ABHD17B: variants seen among roughly 807,000 people sequenced by gnomAD.
The protein encoded by ABHD17B is abhydrolase domain containing 17B, depalmitoylase.
A neutral mutation model predicts 26.2 loss-of-function variants in ABHD17B; 9 were observed. The observed-to-expected ratio is 0.34, with a 90% confidence interval of 0.21 to 0.60. The LOEUF is 0.60. ABHD17B is among the 20% of genes least tolerant of loss of function. The pLI is 0.80. For synonymous variants in ABHD17B, 127 were observed against 122.3 expected, an observed-to-expected ratio of 1.04 and a Z score of -0.25; for missense variants, 224 against 352.1, an observed-to-expected ratio of 0.64 and a Z score of 2.91.
At chr9:71,864,410 AG>A (rs1335185493), downstream of ABHD17B, among the ~76,000 whole-genome samples, 2 of 151,392 alleles carry the variant, frequency 1.3e-5, no homozygotes, top group East Asian at 1.9e-4. Flanking sequence ...TAGTAGAGAC[AG>A]GGTTTCACCG....
chr9:71,882,843 G>A (rs1564066216), intron 1 of ABHD17B, among the ~76,000 whole-genome samples: 1 of 151,864 alleles, frequency 6.6e-6, no homozygotes, highest in Non-Finnish European at 1.5e-5. Context: ...AAAATTCTGT[G>A]AATATATATA....
intron 1 of ABHD17B, among the ~76,000 whole-genome samples, chr9:71,877,649 C>G (rs902341517): frequency 6.6e-6 from 1 of 152,182 alleles, no homozygotes; most frequent in Admixed American, 6.5e-5. Context: ...AACTCCTGAC[C>G]TCAAATGATC....
chr9:71,875,016 A>G lies in ABHD17B; in HGVS notation c.65T>C (p.Ile22Thr). ...TGGCAAAAACGCTAATTTTGAAGCA[A>G]TCTTCCCTGGACAAGGTGGACAGCA... ...LFCCPPCPGK[I>T]ASKLAFLPPD... The change falls in exon 2 of 4, where the codon ATT (isoleucine) becomes ACT (threonine). Residue 22 changes from isoleucine (I) to threonine (T), a missense_variant. Coordinates refer to ENST00000333421, the MANE Select transcript of ABHD17B (RefSeq NM_001025780.3). 6.2e-7 allele frequency: 1 copy of G among 1,614,104 alleles called. No individual in the cohort carries two copies. The highest frequency in any genetic ancestry group is 8.5e-7 in the Non-Finnish European group (1 of 1,180,020).
intron 1 of ABHD17B, 22 bp from the exon 2 acceptor site, chr9:71,875,105 C>T: frequency 4.5e-6 from 7 of 1,557,402 alleles, no homozygotes; most frequent in Non-Finnish European, 6.1e-6. Flanking sequence ...AAGGAGATAG[C>T]AAATATTTTA....
At chr9:71,903,604 A>G (rs572075033) in intron 1 of ABHD17B, among the ~76,000 whole-genome samples, 270 of 152,364 alleles carry the variant, frequency 1.8e-3, no homozygotes, top group Non-Finnish European at 2.3e-3. Context: ...TCTAGCATAA[A>G]GACATTCTAT....
intron 1 of ABHD17B, among the ~76,000 whole-genome samples, chr9:71,884,689 T>C (rs1037096677): frequency 5.3e-5 from 8 of 149,786 alleles, no homozygotes; most frequent in Non-Finnish European, 8.9e-5. Context: ...TGCTCATAGA[T>C]TGATGGTGAT....
At chr9:71,864,666 G>T (rs1316168443), downstream of ABHD17B, among the ~76,000 whole-genome samples, 1 of 151,988 alleles carries the variant, frequency 6.6e-6, no homozygotes, top group Non-Finnish European at 1.5e-5. Context: ...ACTTCTCTGG[G>T]GGACTCTTCC....
intron 1 of ABHD17B, among the ~76,000 whole-genome samples, chr9:71,886,258 A>G (rs1826605218): frequency 6.6e-6 from 1 of 152,078 alleles, no homozygotes; most frequent in Non-Finnish European, 1.5e-5. Context: ...CTGAATATTC[A>G]CCTTGAAAGA....
At chr9:71,888,912 T>A (rs1826691172) in intron 1 of ABHD17B, among the ~76,000 whole-genome samples, 1 of 151,942 alleles carries the variant, frequency 6.6e-6, no homozygotes, top group African/African-American at 2.4e-5. Context: ...TAAACGGTGA[T>A]AATACTACTA....
downstream of ABHD17B, among the ~76,000 whole-genome samples, chr9:71,864,216 T>TC (rs926768090): frequency 8.1e-6 from 1 of 123,352 alleles, no homozygotes; most frequent in African/African-American, 3.1e-5. Context: ...AAACTTTCTT[T>TC]TTTTTTTTTT....
At chr9:71,862,627 G>A (rs754404407), downstream of ABHD17B, 2 of 1,028,790 alleles carry the variant, frequency 1.9e-6, no homozygotes, top group South Asian at 2.6e-5. Flanking sequence ...AAAGGGATTA[G>A]GCTATATCAT....
chr9:71,900,264 G>C (rs760605750), intron 1 of ABHD17B, among the ~76,000 whole-genome samples: 3 of 152,188 alleles, frequency 2.0e-5, no homozygotes, highest in Admixed American at 6.5e-5. Context: ...GAGTAAATGT[G>C]AATTTCTTCC....
chr9:71,885,483 C>T (rs1404384795), intron 1 of ABHD17B, among the ~76,000 whole-genome samples: 1 of 146,884 alleles, frequency 6.8e-6, no homozygotes, highest in Non-Finnish European at 1.5e-5. Context: ...AAAAGGGGGT[C>T]ACCTCAATGT....
intron 1 of ABHD17B, among the ~76,000 whole-genome samples, chr9:71,884,645 A>AG (rs907723109): frequency 6.6e-6 from 1 of 152,074 alleles, no homozygotes; most frequent in African/African-American, 2.4e-5. Context: ...AAAAAAAAAA[A>AG]AAAGGAAATT....
At position 71,866,714 on chromosome 9, in the gene ABHD17B, A is replaced by T; in HGVS notation, c.*73T>A. ...GACATGATTTGCAAACAAAACCTTCAGGTTTTATGTTATTTACCAAAGAGT... is the reference window on the plus strand; with the variant it reads ...GACATGATTTGCAAACAAAACCTTCTGGTTTTATGTTATTTACCAAAGAGT... On this transcript the variant is annotated 3_prime_UTR_variant, in exon 4 of 4. Coordinates refer to ENST00000333421, the MANE Select transcript of ABHD17B (RefSeq NM_001025780.3). The T allele has an allele frequency of 6.4e-7, 1 of 1,565,556 alleles. No individual in the cohort carries two copies. Among genetic ancestry groups the T allele is most frequent in the Non-Finnish European group, 8.6e-7 (1 of 1,156,094 alleles).
At chr9:71,890,809 T>C (rs543096315) in intron 1 of ABHD17B, among the ~76,000 whole-genome samples, 1 of 152,334 alleles carries the variant, frequency 6.6e-6, no homozygotes, top group South Asian at 2.1e-4. Flanking sequence ...TCCAATTTAT[T>C]AGAATTTGTT....
rs534677737 is a variant in ABHD17B at position 71,884,631 on chromosome 9, A to AG, written c.-3-9549dup. ...AAGGGGTAATGGGGATGGAGGTTGA[A>AG]GGGAAAAAAAAAAAAAAGGAAATTA... On this transcript the variant is annotated intron_variant, in intron 1 of 3. Transcript: ENST00000333421. 3.2e-3 allele frequency among the ~76,000 whole-genome samples: 483 copies of AG among 151,660 alleles called. 2 individuals carry two copies. Among genetic ancestry groups the AG allele is most frequent in the African/African-American group, 0.01 (430 of 41,370 alleles).
downstream of ABHD17B, among the ~76,000 whole-genome samples, chr9:71,863,109 G>T (rs1825870237): frequency 3.3e-5 from 5 of 152,072 alleles, no homozygotes; most frequent in South Asian, 1.0e-3. Flanking sequence ...GTTCATGAAA[G>T]TTCTTCTTCA....
intron 1 of ABHD17B, among the ~76,000 whole-genome samples, chr9:71,903,068 C>A (rs529812469): frequency 6.6e-6 from 1 of 152,136 alleles, no homozygotes; most frequent in Non-Finnish European, 1.5e-5. Context: ...TAAATCCTAC[C>A]CTTTTAATGT....
Sources: gnomAD v4.1 joint callset for allele counts (sites outside exome capture counted in the v4.1 genomes callset) on GRCh38, gnomAD v4.1.1 for gene constraint, MANE v1.5 for transcripts, NCBI Gene and HGNC (gene_info 2026-07-23, HGNC 2026-07-21) for gene names.